SQLE: variants seen among roughly 807,000 people sequenced by gnomAD.
The protein encoded by SQLE is squalene monooxygenase.
SQLE carries 29 observed loss-of-function variants against 60.7 expected under a neutral mutation model. That is an observed-to-expected ratio of 0.48 (90% confidence interval 0.36 to 0.65). The LOEUF is 0.65. Ranked by LOEUF, SQLE falls within the 30% of genes least tolerant of loss-of-function variation. The pLI, the probability that SQLE is intolerant of heterozygous loss-of-function variation, is 0.00. For synonymous variants in SQLE, 237 were observed against 246.8 expected (o/e 0.96, Z 0.37); for missense variants, 605 against 684.1 (o/e 0.88, Z 1.29).
At chr8:125,008,322 C>T (rs578116523) in intron 4 of SQLE, among the ~76,000 whole-genome samples, 1 of 152,302 alleles carries the variant, frequency 6.6e-6, no homozygotes, top group South Asian at 2.1e-4. Flanking sequence ...CTTCCAGCCT[C>T]AGGTGATCTG....
At position 125,003,222 on chromosome 8, in the gene SQLE, C is replaced by T; in HGVS notation, c.338C>T (p.Ala113Val). 6.2e-7 allele frequency: 1 copy of T among 1,613,620 alleles called. No individual in the cohort carries two copies. The highest frequency in any genetic ancestry group is 8.5e-7 in the Non-Finnish European group (1 of 1,179,810). The stretch of plus-strand genomic sequence containing the variant: ...TCAGAAACAAGCTTAATAGGAACAG[C>T]TGCCTGTACATCAACATCTTCTCAG... ...NISETSLIGT[A>V]ACTSTSSQND... The change falls in exon 2 of 11, where the codon GCT (alanine) becomes GTT (valine). Residue 113 changes from alanine to valine, a missense_variant. Physicochemically the swap from Ala to Val is moderately conservative, Grantham distance 64. Transcript: ENST00000265896.
intron 10 of SQLE, among the ~76,000 whole-genome samples, chr8:125,021,115 T>A (rs1256622046): frequency 2.0e-5 from 3 of 152,124 alleles, no homozygotes; most frequent in Non-Finnish European, 4.4e-5. Flanking sequence ...TAGAAGCTTG[T>A]TTTTTGCCTA....
At chr8:125,017,168 C>T (rs969861959) in intron 7 of SQLE, among the ~76,000 whole-genome samples, 3 of 152,054 alleles carry the variant, frequency 2.0e-5, no homozygotes, top group African/African-American at 7.2e-5. Flanking sequence ...ACAGTCAGCA[C>T]AAATCCAGCC....
chr8:125,017,494 C>G (rs1170262943), intron 7 of SQLE, among the ~76,000 whole-genome samples: 1 of 152,024 alleles, frequency 6.6e-6, no homozygotes, highest in African/African-American at 2.4e-5. Flanking sequence ...GCTGCCAGAC[C>G]TGGGTCTCTC....
At chr8:125,007,308 A>T (rs1814968196) in intron 3 of SQLE, 83 bp from the exon 4 acceptor site, 1 of 1,038,144 alleles carries the variant, frequency 9.6e-7, no homozygotes, top group Non-Finnish European at 1.4e-6. Flanking sequence ...GTTTATATGG[A>T]TAAACTGGAG....
In SQLE at chr8:125,012,935, G is replaced by A. The variant is rs114346346; in HGVS notation, c.1204+1303G>A. ...CAGTGAACACTTGTATTATCTTTGT[G>A]TGCATAGCCATCCTAGTAGTGTGAA... On this transcript the variant is annotated intron_variant, in intron 7 of 10. Transcript: ENST00000265896. 6.8e-3 allele frequency among the ~76,000 whole-genome samples: 1,042 copies of A among 152,280 alleles called. 7 individuals are homozygous for A. Among genetic ancestry groups the A allele is most frequent in the African/African-American group, 0.024 (978 of 41,554 alleles).
At position 125,003,426 on chromosome 8, in the gene SQLE, G is replaced by T. The variant is rs973914159; in HGVS notation, c.542G>T (p.Gly181Val). ...CATGTTCTCAAAGACCTTGGTCTTG[G>T]AGGTAGGTTCATATTGATTTTCAGG... ...GYHVLKDLGL[G>V]DTVEGLDAQV... The change falls in exon 2 of 11, where the codon GGA becomes GTA. Residue 181 changes from glycine to valine, a missense_variant and splice_region_variant. Gly to Val is a moderately radical substitution (Grantham distance 109). Coordinates refer to ENST00000265896, the MANE Select transcript of SQLE (RefSeq NM_003129.4). 1 of 1,613,782 alleles carries T rather than the reference G, an allele frequency of 6.2e-7. No homozygotes were observed. Among genetic ancestry groups the T allele is most frequent in the South Asian group, 1.1e-5 (1 of 91,058 alleles).
Position 125,005,721 on chromosome 8 carries a change from C to T in SQLE, c.725+16C>T. Reference sequence around the variant, plus strand: ...CAGAGCCCAAGTAAGACCACAGTTTCAAATATATAATTACTAAAGAATCAA... The same window carrying T: ...CAGAGCCCAAGTAAGACCACAGTTTTAAATATATAATTACTAAAGAATCAA... On this transcript the variant is annotated intron_variant, in intron 3 of 10. Transcript: ENST00000265896. The T allele has an allele frequency of 6.6e-7, 1 of 1,518,194 alleles. No individual in the cohort carries two copies. The highest frequency in any genetic ancestry group is 8.9e-7 in the Non-Finnish European group (1 of 1,125,306). The allele number at this position is 1,518,194 out of a possible 1,614,324, so 94.0% of individuals were successfully genotyped here. A position where few individuals can be genotyped will look rare whatever the true frequency, so the allele number is the denominator to read the frequency against.
At chr8:125,001,449 G>GGTGTGTGTGTGT (rs57946751) in intron 1 of SQLE, among the ~76,000 whole-genome samples, 37 of 137,022 alleles carry the variant, frequency 2.7e-4, no homozygotes, top group South Asian at 1.2e-3. Context: ...CTCCTTTCAG[G>GGTGTGTGTGTGT]GTGTGTGTGT....
At chr8:125,017,090 A>G (rs899690248) in intron 7 of SQLE, among the ~76,000 whole-genome samples, 4 of 151,986 alleles carry the variant, frequency 2.6e-5, no homozygotes, top group East Asian at 1.9e-4. Context: ...AGCACTGGGT[A>G]TTGGTGAAAG....
intron 2 of SQLE, among the ~76,000 whole-genome samples, chr8:125,005,016 G>A (rs965806320): frequency 6.6e-6 from 1 of 152,092 alleles, no homozygotes; most frequent in Non-Finnish European, 1.5e-5. Flanking sequence ...ATCATCAACA[G>A]TTGGGGGATA....
rs1168948532 is a variant in SQLE at position 125,009,246 on chromosome 8, T to C, written c.1011T>C (p.Ile337=). The C allele has an allele frequency of 6.2e-7, 1 of 1,613,956 alleles. No individual in the cohort carries two copies. The highest frequency in any genetic ancestry group is 8.5e-7 in the Non-Finnish European group (1 of 1,179,890). ...ANPSPVLIYQ[I]SSSETRVLVD... ...CGAGTCCAGTTCTCATCTACCAGAT[T>C]TCATCCAGTGAAACTCGAGTACTTG... Residue 337 remains isoleucine (I), a synonymous_variant, in exon 6 of 11, where the codon ATT becomes ATC. Coordinates refer to ENST00000265896, the MANE Select transcript of SQLE (RefSeq NM_003129.4).
Position 125,021,933 on chromosome 8 carries a change from T to C in SQLE, c.1713T>C (p.Tyr571=). 2 of 1,596,202 alleles carry C rather than the reference T, an allele frequency of 1.3e-6. No individual in the cohort carries two copies. The highest frequency in any genetic ancestry group is 1.7e-6 in the Non-Finnish European group (2 of 1,170,014). ...CTCTAATTTACTCAGAAATGAAGTA[T>C]ATGGTTCATTAAGCTTAAAGGGGAA... ...IFPLIYSEMK[Y]MVH is the part of the protein sequence containing the mutation. The change falls in exon 11 of 11, where the codon TAT becomes TAC. Residue 571 remains tyrosine (Y), a synonymous_variant. Transcript: ENST00000265896.
chr8:125,021,941 A>G lies in SQLE; in HGVS notation c.1721A>G (p.His574Arg). Residue 574 changes from histidine (H) to arginine (R), a missense_variant, in exon 11 of 11, where the codon CAT (histidine) becomes CGT (arginine). By Grantham distance (29) the His-to-Arg change is conservative. Transcript: ENST00000265896. Reference sequence around the variant, plus strand: ...TACTCAGAAATGAAGTATATGGTTCATTAAGCTTAAAGGGGAACCATTTGT... The same window carrying G: ...TACTCAGAAATGAAGTATATGGTTCGTTAAGCTTAAAGGGGAACCATTTGT... ...LIYSEMKYMV[H>R] The G allele has an allele frequency of 6.3e-7, 1 of 1,589,750 alleles. No homozygotes were observed. The highest frequency in any genetic ancestry group is 8.6e-7 in the Non-Finnish European group (1 of 1,166,442).
chr8:125,012,250 T>C (rs1815049688), intron 7 of SQLE, among the ~76,000 whole-genome samples: 1 of 152,234 alleles, frequency 6.6e-6, no homozygotes, highest in Non-Finnish European at 1.5e-5. Flanking sequence ...AGTGTTTTCT[T>C]GTTACTAACT....
intron 1 of SQLE, among the ~76,000 whole-genome samples, chr8:125,002,669 C>T (rs1007703159): frequency 6.6e-6 from 1 of 152,132 alleles, no homozygotes; most frequent in Non-Finnish European, 1.5e-5. Context: ...AAGAGTGAAA[C>T]TCAGTCTCAA....
rs1431720060 is a variant in SQLE, at chr8:124,999,528, T to C, written c.125T>C (p.Leu42Pro). ...VLVFLSLGLV[L>P]SYRCRHRNGG... ...GTGTTCCTCTCGCTGGGCCTGGTGC[T>C]CTCCTACCGCTGTCGCCACCGAAAC... The change falls in exon 1 of 11, where the codon CTC (leucine) becomes CCC (proline). Residue 42 changes from leucine to proline, a missense_variant. Physicochemically the swap from Leu to Pro is moderately conservative, Grantham distance 98. Transcript: ENST00000265896. 2 of 1,612,362 alleles carry C rather than the reference T, an allele frequency of 1.2e-6. No individual in the cohort carries two copies. Among genetic ancestry groups the C allele is most frequent in the South Asian group, 1.1e-5 (1 of 90,782 alleles).
rs1439887001 is a variant in SQLE at position 124,998,969 on chromosome 8, C to T, written c.-435C>T. 9.7e-6 allele frequency: 3 copies of T among 308,594 alleles called. No individual in the cohort carries two copies. The highest frequency in any genetic ancestry group is 1.2e-5 in the Non-Finnish European group (2 of 169,586). The allele number at this position is 308,594 out of a possible 1,614,324, so 19.1% of individuals were successfully genotyped here. ...CCAGTGCCGAGGTGTTTCTGTGACC[C>T]TCCCTCCACTCCCATTCCCTTCTGA... On this transcript the variant is annotated 5_prime_UTR_variant, in exon 1 of 11. Transcript: ENST00000265896.
intron 7 of SQLE, among the ~76,000 whole-genome samples, chr8:125,014,803 A>G (rs977060375): frequency 6.6e-6 from 1 of 151,998 alleles, no homozygotes; most frequent in African/African-American, 2.4e-5. Flanking sequence ...TGTTTTTTGA[A>G]TTTTTTAAGC....
Sources: gnomAD v4.1 joint callset for allele counts (sites outside exome capture counted in the v4.1 genomes callset) on GRCh38, gnomAD v4.1.1 for gene constraint, MANE v1.5 for transcripts, NCBI Gene and HGNC (gene_info 2026-07-23, HGNC 2026-07-21) for gene names.